FSBP: variants seen among roughly 807,000 people sequenced by gnomAD.
FSBP encodes fibrinogen silencer binding protein, also known as fibrinogen silencer-binding protein.
Under a neutral mutation model 24.6 loss-of-function variants are expected in FSBP, and 18 were observed. That is an observed-to-expected ratio of 0.73 (90% confidence interval 0.51 to 1.08). The LOEUF is 1.08. Among genes scored for constraint, FSBP ranks in the 50% least tolerant of loss-of-function variants. FSBP has a pLI of 0.00. For synonymous variants in FSBP, 110 were observed against 125.8 expected (o/e 0.87, Z 0.84); for missense variants, 305 against 347.6 (o/e 0.88, Z 0.98).
In FSBP at chr8:94,429,626, T is replaced by G; in HGVS notation, c.*2505A>C. 1.0e-6 allele frequency: 1 copy of G among 983,892 alleles called. No homozygotes were observed. Among genetic ancestry groups the G allele is most frequent in the Non-Finnish European group, 1.2e-6 (1 of 828,552 alleles). The allele number at this position is 983,892 out of a possible 1,614,324, so 60.9% of individuals were successfully genotyped here. On this transcript the variant is annotated 3_prime_UTR_variant, in exon 2 of 2. Transcript: ENST00000481490. ...CAAGATGTGTTTACTAGAATTATAC[T>G]GGGAAACATTACCTCAAATTAAGAA...
chr8:94,430,373 T>G lies in FSBP; in HGVS notation c.*1758A>C. On this transcript the variant is annotated 3_prime_UTR_variant, in exon 2 of 2. Coordinates refer to ENST00000481490, the MANE Select transcript of FSBP (RefSeq NM_001256141.2). ...TCTGGTATCAACCATCATCCAAATTTATATCCCTCAGTTCACTTTCAACTA... is the reference window on the plus strand; with the variant it reads ...TCTGGTATCAACCATCATCCAAATTGATATCCCTCAGTTCACTTTCAACTA... 2.0e-6 allele frequency: 2 copies of G among 985,126 alleles called. No homozygotes were observed. Among genetic ancestry groups the G allele is most frequent in the Non-Finnish European group, 2.4e-6 (2 of 829,730 alleles). The allele number at this position is 985,126 out of a possible 1,614,324, so 61.0% of individuals were successfully genotyped here.
In FSBP at chr8:94,432,569, C is replaced by T. The variant is rs770279073; in HGVS notation, c.462G>A (p.Val154=). Residue 154 remains valine, a synonymous_variant, in exon 2 of 2, where the codon GTG becomes GTA. Coordinates refer to ENST00000481490, the MANE Select transcript of FSBP (RefSeq NM_001256141.2). ...DHHPVAITVE[V]KQEEDIKPPP... ...GTGGTTTAATGTCTTCTTCTTGCTT[C>T]ACCTCCACTGTAATAGCAACAGGAT... The T allele has an allele frequency of 9.1e-5, 141 of 1,550,208 alleles. No homozygotes were observed. Among genetic ancestry groups the T allele is most frequent in the Middle Eastern group, 5.0e-4 (3 of 6,016 alleles).
In FSBP at chr8:94,428,862, A is replaced by G; in HGVS notation, c.*3269T>C. 1 of 983,386 alleles carries G rather than the reference A, an allele frequency of 1.0e-6. No homozygotes were observed. Among genetic ancestry groups the G allele is most frequent in the Non-Finnish European group, 1.2e-6 (1 of 828,616 alleles). The allele number at this position is 983,386 out of a possible 1,614,324, so 60.9% of individuals were successfully genotyped here. A position where few individuals can be genotyped will look rare whatever the true frequency, so the allele number is the denominator to read the frequency against. ...AAAAAGTCTCAATACAAAAAAGAAG[A>G]AAAAAAAAGGTTTGGTTCCAAATTA... On this transcript the variant is annotated 3_prime_UTR_variant, in exon 2 of 2. Transcript: ENST00000481490.
chr8:94,429,634 A>G lies in FSBP; in HGVS notation c.*2497T>C. The G allele has an allele frequency of 1.0e-6, 1 of 983,752 alleles. No individual in the cohort carries two copies. The highest frequency in any genetic ancestry group is 1.2e-6 in the Non-Finnish European group (1 of 828,428). The allele number at this position is 983,752 out of a possible 1,614,324, so 60.9% of individuals were successfully genotyped here. A position where few individuals can be genotyped will look rare whatever the true frequency, so the allele number is the denominator to read the frequency against. ...GTTTACTAGAATTATACTGGGAAAC[A>G]TTACCTCAAATTAAGAATTACAAGA... On this transcript the variant is annotated 3_prime_UTR_variant, in exon 2 of 2. Transcript: ENST00000481490.
In FSBP at chr8:94,432,464, T is replaced by G. The variant is rs766894531; in HGVS notation, c.567A>C (p.Glu189Asp). ...AGGAAAGTGAAGGCGACAAGGATCT[T>G]TCCATAACATGTACTAATTCATGTT... is the stretch of plus-strand genomic sequence containing the variant. ...REEHELVHVM[E>D]RSLSPSLSSV... is the part of the protein sequence containing the mutation. Residue 189 changes from glutamate to aspartate, a missense_variant, in exon 2 of 2, where the codon GAA becomes GAC. Transcript: ENST00000481490. The G allele has an allele frequency of 1.3e-6, 2 of 1,550,474 alleles. No homozygotes were observed. Among genetic ancestry groups the G allele is most frequent in the South Asian group, 2.4e-5 (2 of 84,042 alleles).
In FSBP at chr8:94,431,293, A is replaced by T; in HGVS notation, c.*838T>A. The T allele has an allele frequency of 2.0e-6, 2 of 977,058 alleles. No homozygotes were observed. The highest frequency in any genetic ancestry group is 1.8e-5 in the African/African-American group (1 of 57,142). The allele number at this position is 977,058 out of a possible 1,614,324, so 60.5% of individuals were successfully genotyped here. A position where few individuals can be genotyped will look rare whatever the true frequency, so the allele number is the denominator to read the frequency against. On this transcript the variant is annotated 3_prime_UTR_variant, in exon 2 of 2. Coordinates refer to ENST00000481490, the MANE Select transcript of FSBP (RefSeq NM_001256141.2). Reference sequence around the variant, plus strand: ...CAAAATGAATTAAGACATGTCTTTAAATCACACAGCCAAAATATATAATAG... The same window carrying T: ...CAAAATGAATTAAGACATGTCTTTATATCACACAGCCAAAATATATAATAG...
rs992405108 is a variant in FSBP, at chr8:94,432,246, T to A, written c.785A>T (p.Asp262Val). 6.5e-7 allele frequency: 1 copy of A among 1,550,380 alleles called. No individual in the cohort carries two copies. The highest frequency in any genetic ancestry group is 8.7e-7 in the Non-Finnish European group (1 of 1,146,850). The change falls in exon 2 of 2, where the codon GAT becomes GTT. Residue 262 changes from aspartate to valine, a missense_variant. Coordinates refer to ENST00000481490, the MANE Select transcript of FSBP (RefSeq NM_001256141.2). ...TAGCTGCTGCCTTCTTTTCAATCCA[T>A]CCCTCTTCTCCTGAACATACAATCC... is the stretch of plus-strand genomic sequence containing the variant. ...NFGLYVQEKRDGLKRRQQLEE... is the reference protein window; with the variant it reads ...NFGLYVQEKRVGLKRRQQLEE...
In FSBP at chr8:94,429,806, A is replaced by C; in HGVS notation, c.*2325T>G. ...TATAAAACACCCTCTTTTTAATCCA[A>C]CCAATGAAATTAAGTAGTCAACATG... On this transcript the variant is annotated 3_prime_UTR_variant, in exon 2 of 2. Coordinates refer to ENST00000481490, the MANE Select transcript of FSBP (RefSeq NM_001256141.2). The C allele has an allele frequency of 1.0e-6, 1 of 985,400 alleles. No individual in the cohort carries two copies. Among genetic ancestry groups the C allele is most frequent in the East Asian group, 1.1e-4 (1 of 8,814 alleles). 61.0% of individuals were successfully genotyped at this position (985,400 alleles called of 1,614,324 possible).
chr8:94,430,732 A>G lies in FSBP; in HGVS notation c.*1399T>C, dbSNP rs1220954254. 1.0e-6 allele frequency: 1 copy of G among 964,156 alleles called. No individual in the cohort carries two copies. Among genetic ancestry groups the G allele is most frequent in the African/African-American group, 1.8e-5 (1 of 56,678 alleles). 59.7% of individuals were successfully genotyped at this position (964,156 alleles called of 1,614,324 possible). On this transcript the variant is annotated 3_prime_UTR_variant, in exon 2 of 2. Transcript: ENST00000481490. ...TTTAAAAGCATTTTGTGTTATTTGC[A>G]AACATTTTAAAATTGGAAGATTCCT...
chr8:94,431,217 T>C lies in FSBP; in HGVS notation c.*914A>G. Reference sequence around the variant, plus strand: ...TATAAAATACATAAAATTTTAATTTTGTTCATTCTGATTTTTACTGTGAAA... The same window carrying C: ...TATAAAATACATAAAATTTTAATTTCGTTCATTCTGATTTTTACTGTGAAA... On this transcript the variant is annotated 3_prime_UTR_variant, in exon 2 of 2. Coordinates refer to ENST00000481490, the MANE Select transcript of FSBP (RefSeq NM_001256141.2). 2.1e-6 allele frequency: 2 copies of C among 944,238 alleles called. No homozygotes were observed. Among genetic ancestry groups the C allele is most frequent in the Non-Finnish European group, 2.5e-6 (2 of 792,722 alleles). 58.5% of individuals were successfully genotyped at this position (944,238 alleles called of 1,614,324 possible).
At chr8:94,432,696 TGAA>T in intron 1 of FSBP, 40 bp from the exon 2 acceptor site, 1 of 1,414,170 alleles carries the variant, frequency 7.1e-7, no homozygotes, top group East Asian at 2.5e-5. Flanking sequence ...GTAAATCAAA[TGAA>T]GAAAAAGTGT....
Position 94,428,490 on chromosome 8 carries a change from A to C in FSBP, c.*3641T>G, listed in dbSNP as rs1348005004. ...TACACACATCCTTCCATATACTTTA[A>C]ATCATCTCTAGATTACTTACAATGG... On this transcript the variant is annotated 3_prime_UTR_variant, in exon 2 of 2. Transcript: ENST00000481490. 1.6e-5 allele frequency: 4 copies of C among 246,536 alleles called. No homozygotes were observed. The highest frequency in any genetic ancestry group is 2.6e-5 in the Non-Finnish European group (4 of 154,632). 15.3% of individuals were successfully genotyped at this position (246,536 alleles called of 1,614,324 possible).
rs551714324 is a variant in FSBP at position 94,431,143 on chromosome 8, G to C, written c.*988C>G. 33 of 928,400 alleles carry C rather than the reference G, an allele frequency of 3.6e-5. No individual in the cohort carries two copies. The highest frequency in any genetic ancestry group is 4.1e-5 in the Non-Finnish European group (32 of 778,292). 57.5% of individuals were successfully genotyped at this position (928,400 alleles called of 1,614,324 possible). ...GATTTAATATAAATTTAATATGTAT[G>C]CTTTAAGAATTGAGGTTTTATTTCC... On this transcript the variant is annotated 3_prime_UTR_variant, in exon 2 of 2. Coordinates refer to ENST00000481490, the MANE Select transcript of FSBP (RefSeq NM_001256141.2).
chr8:94,429,308 G>T lies in FSBP; in HGVS notation c.*2823C>A, dbSNP rs1434863221. ...TTATGGGCAGCAAAGGAATTTTCAA[G>T]GGCTATTTTGTATATACATAATTTT... is the stretch of plus-strand genomic sequence containing the variant. On this transcript the variant is annotated 3_prime_UTR_variant, in exon 2 of 2. Coordinates refer to ENST00000481490, the MANE Select transcript of FSBP (RefSeq NM_001256141.2). 2 of 436,482 alleles carry T rather than the reference G, an allele frequency of 4.6e-6. No homozygotes were observed. Among genetic ancestry groups the T allele is most frequent in the Admixed American group, 6.4e-5 (1 of 15,566 alleles). The allele number at this position is 436,482 out of a possible 1,614,324, so 27.0% of individuals were successfully genotyped here. A position where few individuals can be genotyped will look rare whatever the true frequency, so the allele number is the denominator to read the frequency against.
Position 94,436,792 on chromosome 8 carries a change from A to G in FSBP, c.77T>C (p.Val26Ala). ...ATTAGTGTGTTCTTCGAGAATTTTC[A>G]CATATGGCTTCACAAGCTTTAGCAA... ...LDLLKLVKPY[V>A]KILEEHTNKH... Residue 26 changes from valine to alanine, a missense_variant, in exon 1 of 2, where the codon GTG (valine) becomes GCG (alanine). Physicochemically the swap from Val to Ala is moderately conservative, Grantham distance 64. Transcript: ENST00000481490. 1 of 1,549,974 alleles carries G rather than the reference A, an allele frequency of 6.5e-7. No homozygotes were observed. The highest frequency in any genetic ancestry group is 1.2e-5 in the South Asian group (1 of 83,800).
intron 1 of FSBP, 43 bp from the exon 2 acceptor site, chr8:94,432,699 A>C (rs1163154654): frequency 7.1e-7 from 1 of 1,415,224 alleles, no homozygotes; most frequent in Non-Finnish European, 9.2e-7. Flanking sequence ...AATCAAATGA[A>C]GAAAAAGTGT....
Position 94,432,563 on chromosome 8 carries a change from T to C in FSBP, c.468A>G (p.Gln156=). ...HPVAITVEVK[Q]EEDIKPPPPL... ...GAGGAGGTGGTTTAATGTCTTCTTCTTGCTTCACCTCCACTGTAATAGCAA... is the reference window on the plus strand; with the variant it reads ...GAGGAGGTGGTTTAATGTCTTCTTCCTGCTTCACCTCCACTGTAATAGCAA... Residue 156 remains glutamine, a synonymous_variant, in exon 2 of 2, where the codon CAA becomes CAG. Transcript: ENST00000481490. 1 of 1,550,416 alleles carries C rather than the reference T, an allele frequency of 6.4e-7. No individual in the cohort carries two copies. Among genetic ancestry groups the C allele is most frequent in the Non-Finnish European group, 8.7e-7 (1 of 1,146,846 alleles).
chr8:94,431,251 T>A lies in FSBP; in HGVS notation c.*880A>T. On this transcript the variant is annotated 3_prime_UTR_variant, in exon 2 of 2. Transcript: ENST00000481490. ...TGATTTTTACTGTGAAAGAAATTTT[T>A]TCCAGAACAGGACATTCAAAATGAA... 1 of 965,810 alleles carries A rather than the reference T, an allele frequency of 1.0e-6. No homozygotes were observed. Among genetic ancestry groups the A allele is most frequent in the Non-Finnish European group, 1.2e-6 (1 of 812,256 alleles). The allele number at this position is 965,810 out of a possible 1,614,324, so 59.8% of individuals were successfully genotyped here.
At chr8:94,433,789 T>C (rs1563655743) in intron 1 of FSBP, among the ~76,000 whole-genome samples, 2 of 151,806 alleles carry the variant, frequency 1.3e-5, no homozygotes, top group South Asian at 2.1e-4. Flanking sequence ...AAATACTTTA[T>C]TTAATATTAT....
Sources: gnomAD v4.1 joint callset for allele counts (sites outside exome capture counted in the v4.1 genomes callset) on GRCh38, gnomAD v4.1.1 for gene constraint, MANE v1.5 for transcripts, NCBI Gene and HGNC (gene_info 2026-07-23, HGNC 2026-07-21) for gene names.